ITGA3: variants seen among roughly 807,000 people sequenced by gnomAD.
The protein encoded by ITGA3 is integrin alpha-3.
ITGA3 carries 70 observed loss-of-function variants against 131.1 expected under a neutral mutation model. That is an observed-to-expected ratio of 0.53 (90% CI 0.44 to 0.65). The LOEUF is 0.65. ITGA3 is among the 30% of genes least tolerant of loss of function. The pLI is 0.00. For synonymous variants in ITGA3, 537 were observed against 571.6 expected (o/e 0.94, Z 0.86); for missense variants, 1,098 against 1,388.6 (o/e 0.79, Z 3.33).
At chr17:50,076,543 G>GA (rs1317011592) in intron 13 of ITGA3, 41 bp from the exon 14 acceptor site, 30 of 1,285,608 alleles carry the variant, frequency 2.3e-5, no homozygotes, top group Non-Finnish European at 2.7e-5. Flanking sequence ...GAGGGCACTG[G>GA]GGGGGGTGGT....
At chr17:50,074,331 T>C in intron 9 of ITGA3, 51 bp downstream of exon 9, 1 of 1,607,246 alleles carries the variant, frequency 6.2e-7, no homozygotes, top group Non-Finnish European at 8.5e-7. Flanking sequence ...CATCTTTGTC[T>C]GCACAGATTC....
Position 50,089,200 on chromosome 17 carries a change from G to C in ITGA3, c.*122G>C, listed in dbSNP as rs761956618. 2.5e-6 allele frequency: 4 copies of C among 1,613,760 alleles called. No homozygotes were observed. The South Asian group carries it at 4.4e-5, about 18-fold the overall frequency. ...GGAGGAGGAGCGCTACCCACCTCCA[G>C]GGAGCACCCTGCCCACCAAGAAGCA... On this transcript the variant is annotated 3_prime_UTR_variant, in exon 26 of 26. Coordinates refer to ENST00000320031, the MANE Select transcript of ITGA3 (RefSeq NM_002204.4).
intron 18 of ITGA3, 68 bp from the exon 19 acceptor site, chr17:50,078,756 G>T: frequency 1.1e-6 from 1 of 891,078 alleles, no homozygotes. Flanking sequence ...CAGCTTTGGT[G>T]CCCACCCCCC....
Position 50,078,300 on chromosome 17 carries a change from C to T in ITGA3, c.2297+16C>T, listed in dbSNP as rs1325278563. 1.2e-6 allele frequency: 2 copies of T among 1,602,680 alleles called. No homozygotes were observed. Among genetic ancestry groups the T allele is most frequent in the Non-Finnish European group, 8.5e-7 (1 of 1,171,114 alleles). The stretch of plus-strand genomic sequence containing the variant: ...CGCTTAGCATGTGGGTACCGCTCTC[C>T]ACCACCCCCACCCCAGCCTGCTGTG... On this transcript the variant is annotated intron_variant, in intron 18 of 25. Transcript: ENST00000320031.
In ITGA3 at chr17:50,090,307, T is replaced by C. The variant is rs975209399; in HGVS notation, c.*1229T>C. 1 of 453,872 alleles carries C rather than the reference T, an allele frequency of 2.2e-6. No individual in the cohort carries two copies. The allele number at this position is 453,872 out of a possible 1,614,324, so 28.1% of individuals were successfully genotyped here. A position where few individuals can be genotyped will look rare whatever the true frequency, so the allele number is the denominator to read the frequency against. On this transcript the variant is annotated 3_prime_UTR_variant, in exon 26 of 26. Transcript: ENST00000320031. ...CCATGGGCTGTGTCCTAAGGCCCAT[T>C]TGAGAAGCTGAGGCTAGTTCCAGAA...
In ITGA3 at chr17:50,080,387, G is replaced by A. The variant is rs1909131458; in HGVS notation, c.2820+12G>A. 2 of 1,532,496 alleles carry A rather than the reference G, an allele frequency of 1.3e-6. No homozygotes were observed. Among genetic ancestry groups the A allele is most frequent in the Non-Finnish European group, 9.0e-7 (1 of 1,110,496 alleles). The allele number at this position is 1,532,496 out of a possible 1,614,324, so 94.9% of individuals were successfully genotyped here. ...GCACCTTCATCGAGGTCAGTGCCTG[G>A]GTCTGAAGGTCTCTCCTACCATCCA... On this transcript the variant is annotated intron_variant, in intron 22 of 25. Coordinates refer to ENST00000320031, the MANE Select transcript of ITGA3 (RefSeq NM_002204.4).
chr17:50,064,760 G>A lies in ITGA3; in HGVS notation c.414+153G>A, dbSNP rs1908252475. 9.9e-6 allele frequency: 6 copies of A among 605,670 alleles called. No individual in the cohort carries two copies. The highest frequency in any genetic ancestry group is 4.3e-4 in the Middle Eastern group (1 of 2,324). 37.5% of individuals were successfully genotyped at this position (605,670 alleles called of 1,614,324 possible). A position where few individuals can be genotyped will look rare whatever the true frequency, so the allele number is the denominator to read the frequency against. The stretch of plus-strand genomic sequence containing the variant: ...CCCTTCCTGTGGCTGTGTGTCCCTC[G>A]CTCTCTGCACTCCTGGGGAGGGGGT... On this transcript the variant is annotated intron_variant, in intron 3 of 25. Transcript: ENST00000320031. This position sits in a 1 kb window ranked among gnomAD's most constrained non-coding sequence, Gnocchi z 4.4.
chr17:50,060,174 C>T (rs987810596), intron 1 of ITGA3, among the ~76,000 whole-genome samples: 4 of 152,138 alleles, frequency 2.6e-5, no homozygotes, highest in Non-Finnish European at 5.9e-5. Flanking sequence ...GCCTCCCGGC[C>T]GGGGATAGGA....
In ITGA3 at chr17:50,079,100, G is replaced by A. The variant is rs763620688; in HGVS notation, c.2425G>A (p.Val809Met). 15 of 1,613,716 alleles carry A rather than the reference G, an allele frequency of 9.3e-6. No homozygotes were observed. Among genetic ancestry groups the A allele is most frequent in the African/African-American group, 1.3e-5 (1 of 74,886 alleles). ...GGTGGGCCCAATGGGGGAGGGGCTG[G>A]TGGGCCTGGGGACCCTGGTCCTAGG... ...FQVGPMGEGLVGLGTLVLGLE... is the reference protein window; with the variant it reads ...FQVGPMGEGLMGLGTLVLGLE... The change falls in exon 20 of 26, where the codon GTG (valine) becomes ATG (methionine). Residue 809 changes from valine to methionine, a missense_variant. Transcript: ENST00000320031.
At position 50,068,077 on chromosome 17, in the gene ITGA3, C is replaced by G; in HGVS notation, c.436C>G (p.Gln146Glu). Residue 146 changes from glutamine to glutamate, a missense_variant, in exon 4 of 26, where the codon CAG (glutamine) becomes GAG (glutamate). Physicochemically the swap from Gln to Glu is conservative, Grantham distance 29. Around this residue, in one of 3 missense-constraint regions of ITGA3, gnomAD observed 356 missense variants for 529.2 expected, o/e 0.67. Transcript: ENST00000320031. Reference sequence around the variant, plus strand: ...CCAGGTCTGTGCCCACCGCTACACCCAGGTGCTGTGGTCAGGGTCAGAAGA... The same window carrying G: ...CCAGGTCTGTGCCCACCGCTACACCGAGGTGCTGTGGTCAGGGTCAGAAGA... ...RVLVCAHRYT[Q>E]VLWSGSEDQR... 1 of 1,614,052 alleles carries G rather than the reference C, an allele frequency of 6.2e-7. No homozygotes were observed. Among genetic ancestry groups the G allele is most frequent in the South Asian group, 1.1e-5 (1 of 91,078 alleles).
Position 50,074,533 on chromosome 17 carries a change from T to C in ITGA3, c.1468T>C (p.Cys490Arg). ...CCCTGCACTTTGCACGGCCACCTCTTGGTGAGATTGTTCTGCCCACCTACT... is the reference window on the plus strand; with the variant it reads ...CCCTGCACTTTGCACGGCCACCTCTCGGTGAGATTGTTCTGCCCACCTACT... ...LDPALCTATS[C>R]VQVELCFAYN... Residue 490 changes from cysteine (C) to arginine (R), a missense_variant and splice_region_variant, in exon 10 of 26, where the codon TGT (cysteine) becomes CGT (arginine). Physicochemically the swap from Cys to Arg is radical, Grantham distance 180 (BLOSUM62 -3). Around this residue, in one of 3 missense-constraint regions of ITGA3, gnomAD observed 699 missense variants for 829.2 expected, o/e 0.84. Coordinates refer to ENST00000320031, the MANE Select transcript of ITGA3 (RefSeq NM_002204.4). The C allele has an allele frequency of 1.9e-6, 3 of 1,608,654 alleles. No individual in the cohort carries two copies. The highest frequency in any genetic ancestry group is 2.6e-6 in the Non-Finnish European group (3 of 1,175,146).
At chr17:50,059,745 C>T (rs1004001358) in intron 1 of ITGA3, among the ~76,000 whole-genome samples, 3 of 152,184 alleles carry the variant, frequency 2.0e-5, no homozygotes, top group African/African-American at 7.2e-5. Flanking sequence ...AGAAGATCCC[C>T]TTTGCAGTAA....
chr17:50,084,305 T>G (rs1209720477), intron 23 of ITGA3, among the ~76,000 whole-genome samples: 1 of 151,460 alleles, frequency 6.6e-6, no homozygotes, highest in Non-Finnish European at 1.5e-5. Flanking sequence ...GCTATTGATT[T>G]GGATGATAAA....
chr17:50,082,436 C>T (rs1909228310), intron 23 of ITGA3, among the ~76,000 whole-genome samples: 1 of 152,120 alleles, frequency 6.6e-6, no homozygotes, highest in African/African-American at 2.4e-5. Context: ...CTCGGCCTCC[C>T]AAAGTGCTGG....
At position 50,077,097 on chromosome 17, in the gene ITGA3, C is replaced by T. The variant is rs11545792; in HGVS notation, c.2046C>T (p.Ala682=). 0.015 allele frequency: 23,543 copies of T among 1,572,408 alleles called. 206 individuals carry two copies. The highest frequency in any genetic ancestry group is 0.018 in the Non-Finnish European group (20,779 of 1,156,056). ...EALLTLVVPP[A]LLLSSVRPPG... ...TGCTCACCCTGGTGGTGCCTCCCGC[C>T]CTGCTGCTGTCCTCAGTGCGCCCCG... is the stretch of plus-strand genomic sequence containing the variant. Residue 682 remains alanine (A), a synonymous_variant, in exon 15 of 26, where the codon GCC becomes GCT. Coordinates refer to ENST00000320031, the MANE Select transcript of ITGA3 (RefSeq NM_002204.4).
At chr17:50,074,632 C>T in intron 10 of ITGA3, 98 bp downstream of exon 10, 1 of 829,058 alleles carries the variant, frequency 1.2e-6, no homozygotes, top group African/African-American at 1.7e-5. Context: ...GACATCCCAC[C>T]TTTAGAAATT....
chr17:50,063,789 G>A, intron 1 of ITGA3: 1 of 414,912 alleles, frequency 2.4e-6, no homozygotes, highest in South Asian at 2.9e-5. Context: ...GAGAACCCTG[G>A]TGATTGTCCT....
intron 5 of ITGA3, 37 bp downstream of exon 5, chr17:50,070,967 G>A: frequency 7.6e-7 from 1 of 1,313,804 alleles, no homozygotes; most frequent in Non-Finnish European, 1.1e-6. Flanking sequence ...AGTGGTAGAG[G>A]GGAAGGGGGC....
intron 24 of ITGA3, 83 bp from the exon 25 acceptor site, chr17:50,088,142 T>C: frequency 6.7e-7 from 1 of 1,485,480 alleles, no homozygotes; most frequent in Non-Finnish European, 9.0e-7. Flanking sequence ...TCCCCAGCCC[T>C]AAAGCCCTGG....
Sources: allele counts gnomAD v4.1 joint callset (sites outside exome capture counted in the v4.1 genomes callset), GRCh38; gene constraint gnomAD v4.1.1; regional missense constraint gnomAD v4.1.1; non-coding constraint Gnocchi (gnomAD v3.1); transcripts MANE v1.5; gene names NCBI Gene and HGNC (gene_info 2026-07-23, HGNC 2026-07-21).